Variants in PSMA8 observed in about 807,000 individuals in gnomAD.
PSMA8 encodes proteasome subunit alpha-type 8.
PSMA8 carries 18 observed loss-of-function variants against 32.4 expected under a neutral mutation model. The observed-to-expected ratio is 0.56, with a 90% CI of 0.38 to 0.82. PSMA8 has a LOEUF of 0.82. Ranked by LOEUF, PSMA8 falls within the 40% of genes least tolerant of loss-of-function variation. The pLI is 0.00. For synonymous variants in PSMA8, 104 were observed against 98.1 expected, an observed-to-expected ratio of 1.06 and a Z score of -0.36; for missense variants, 298 against 300.7, an observed-to-expected ratio of 0.99 and a Z score of 0.07.
intron 4 of PSMA8, among the ~76,000 whole-genome samples, chr18:26,171,946 A>G (rs901191861): frequency 6.6e-6 from 1 of 152,174 alleles, no homozygotes; most frequent in Non-Finnish European, 1.5e-5. Context: ...CTTTATCCTC[A>G]AGACCCACAG....
Position 26,193,129 on chromosome 18 carries a change from AT to A in PSMA8, c.*722del, listed in dbSNP as rs1280410836. ...CATATCACTTTTAGTTTAGATTTTT[AT>A]TTTATCTCAAGTATGTCCAGTGTGT... On this transcript the variant is annotated 3_prime_UTR_variant, in exon 7 of 7. Coordinates refer to ENST00000415576, the MANE Select transcript of PSMA8 (RefSeq NM_001025096.2). 11 of 152,242 alleles carry A rather than the reference AT, an allele frequency of 7.2e-5. No homozygotes were observed. Among genetic ancestry groups the A allele is most frequent in the African/African-American group, 2.2e-4 (9 of 41,556 alleles). 9.4% of individuals were successfully genotyped at this position (152,242 alleles called of 1,614,324 possible). A position where few individuals can be genotyped will look rare whatever the true frequency, so the allele number is the denominator to read the frequency against.
At position 26,158,164 on chromosome 18, in the gene PSMA8, G is replaced by C. The variant is rs1413761426; in HGVS notation, c.397G>C (p.Ala133Pro). 4.4e-6 allele frequency: 7 copies of C among 1,605,286 alleles called. No homozygotes were observed. Among genetic ancestry groups the C allele is most frequent in the Non-Finnish European group, 6.0e-6 (7 of 1,172,762 alleles). Residue 133 changes from alanine (A) to proline (P), a missense_variant, in exon 4 of 7, where the codon GCC becomes CCC. Physicochemically the swap from Ala to Pro is conservative, Grantham distance 27. Coordinates refer to ENST00000415576, the MANE Select transcript of PSMA8 (RefSeq NM_001025096.2). ...TGGACGAAGACCTTTTGGTATTTCT[G>C]CCTTAATTGTAGGTTTTGATGATGA... ...SNGRRPFGIS[A>P]LIVGFDDDGI...
At chr18:26,161,442 A>C (rs962195188) in intron 4 of PSMA8, among the ~76,000 whole-genome samples, 2 of 152,226 alleles carry the variant, frequency 1.3e-5, no homozygotes, top group Non-Finnish European at 2.9e-5. Flanking sequence ...TAGAATTACT[A>C]TCAGGCTGGC....
chr18:26,176,103 GA>G (rs2055261698), intron 4 of PSMA8, among the ~76,000 whole-genome samples: 1 of 150,524 alleles, frequency 6.6e-6, no homozygotes, highest in Non-Finnish European at 1.5e-5. Flanking sequence ...AGTCATTATT[GA>G]AGTGGACTGG....
At chr18:26,189,027 A>G (rs569002379) in intron 6 of PSMA8, among the ~76,000 whole-genome samples, 1 of 152,352 alleles carries the variant, frequency 6.6e-6, no homozygotes, top group Admixed American at 6.5e-5. Context: ...ACAGCAAAGG[A>G]AACAATCAAC....
Position 26,158,232 on chromosome 18 carries a change from T to A in PSMA8, c.465T>A (p.Tyr155Ter). The change falls in exon 4 of 7, where the codon TAT becomes TAA. Residue 155 changes from tyrosine (Y) to a stop codon, truncating the protein, a stop_gained. Transcript: ENST00000415576. LOFTEE classifies it high-confidence loss of function. ...ATCAGACAGATCCTTCTGGTACTTA[T>A]CATGCTTGGAAGGTGAGTCATGAAT... ...RLYQTDPSGTYHAWKANAIGR... is the reference protein window; with the variant it reads ...RLYQTDPSGT 1 of 1,599,844 alleles carries A rather than the reference T, an allele frequency of 6.3e-7. No individual in the cohort carries two copies. Among genetic ancestry groups the A allele is most frequent in the Non-Finnish European group, 8.5e-7 (1 of 1,174,120 alleles).
At chr18:26,161,294 G>T (rs62087799) in intron 4 of PSMA8, among the ~76,000 whole-genome samples, 2,543 of 152,246 alleles carry the variant, frequency 0.017, 38 homozygotes, top group Non-Finnish European at 0.029. Context: ...CTATTCCTTA[G>T]TTCCTAGATT....
intron 6 of PSMA8, among the ~76,000 whole-genome samples, chr18:26,186,542 T>C (rs1306418416): frequency 6.6e-6 from 1 of 152,218 alleles, no homozygotes; most frequent in Non-Finnish European, 1.5e-5. Context: ...CTAGTTATTC[T>C]CTGACCTATC....
intron 1 of PSMA8, chr18:26,139,984 CT>C (rs2054941804): frequency 1.4e-6 from 1 of 696,078 alleles, no homozygotes; most frequent in Non-Finnish European, 2.6e-6. Flanking sequence ...AAGATTGTTA[CT>C]TTTTAATTCT....
At chr18:26,163,251 A>ATATAT (rs1568062728) in intron 4 of PSMA8, among the ~76,000 whole-genome samples, 1 of 87,772 alleles carries the variant, frequency 1.1e-5, no homozygotes, top group African/African-American at 4.6e-5. Context: ...ATATATATAT[A>ATATAT]TATATATATA....
intron 6 of PSMA8, among the ~76,000 whole-genome samples, chr18:26,189,377 T>G (rs981506428): frequency 3.3e-5 from 5 of 151,704 alleles, no homozygotes; most frequent in Non-Finnish European, 7.4e-5. Flanking sequence ...ATATAATAAT[T>G]TAAAAATTAG....
chr18:26,143,189 C>A (rs1048484980), intron 1 of PSMA8, among the ~76,000 whole-genome samples: 3 of 152,146 alleles, frequency 2.0e-5, no homozygotes, highest in Non-Finnish European at 4.4e-5. Flanking sequence ...TCGATTCCCA[C>A]CGAAGGCCAC....
chr18:26,142,952 C>T (rs955958841), intron 1 of PSMA8, among the ~76,000 whole-genome samples: 2 of 152,158 alleles, frequency 1.3e-5, no homozygotes, highest in African/African-American at 4.8e-5. Context: ...CAATCCCTAT[C>T]CCTCCAAATT....
At chr18:26,178,281 A>G (rs1287417865) in intron 4 of PSMA8, among the ~76,000 whole-genome samples, 2 of 152,138 alleles carry the variant, frequency 1.3e-5, no homozygotes, top group African/African-American at 4.8e-5. Flanking sequence ...ATATTAATAG[A>G]AAGTGTTAGC....
At chr18:26,188,787 T>C (rs1298800863) in intron 6 of PSMA8, among the ~76,000 whole-genome samples, 1 of 152,172 alleles carries the variant, frequency 6.6e-6, no homozygotes, top group East Asian at 1.9e-4. Context: ...GATATCCATA[T>C]GCAGAAGAAT....
intron 3 of PSMA8, 130 bp downstream of exon 3, chr18:26,152,112 C>T: frequency 1.8e-6 from 1 of 550,002 alleles, no homozygotes; most frequent in Non-Finnish European, 2.8e-6. Context: ...ATTTCTCACA[C>T]TTACTTTATA....
rs1414789392 is a variant in PSMA8, at chr18:26,163,235, A to G, written c.477+4991A>G. 1.5e-4 allele frequency among the ~76,000 whole-genome samples: 19 copies of G among 123,142 alleles called. 1 individual carries two copies. Among genetic ancestry groups the G allele is most frequent in the African/African-American group, 5.9e-4 (16 of 27,294 alleles). The allele number at this position is 123,142 out of a possible 152,430, so 80.8% of individuals were successfully genotyped here. Reference sequence around the variant, plus strand: ...TGTGTATATATATATATATATATATATATATATATATATATATATATATAT... The same window carrying G: ...TGTGTATATATATATATATATATATGTATATATATATATATATATATATAT... On this transcript the variant is annotated intron_variant, in intron 4 of 6. Coordinates refer to ENST00000415576, the MANE Select transcript of PSMA8 (RefSeq NM_001025096.2).
At chr18:26,138,556 A>T (rs973721841) in intron 1 of PSMA8, among the ~76,000 whole-genome samples, 6 of 152,188 alleles carry the variant, frequency 3.9e-5, no homozygotes, top group African/African-American at 1.4e-4. Flanking sequence ...TATAAGCTTT[A>T]AGTAAAGGAA....
chr18:26,149,758 C>T (rs1204946550), intron 2 of PSMA8, among the ~76,000 whole-genome samples: 3 of 151,970 alleles, frequency 2.0e-5, no homozygotes, highest in Non-Finnish European at 4.4e-5. Context: ...AGGACTCTAC[C>T]TAACATCACA....
Sources: gnomAD v4.1 joint callset for allele counts (sites outside exome capture counted in the v4.1 genomes callset) on GRCh38, gnomAD v4.1.1 for gene constraint, MANE v1.5 for transcripts, NCBI Gene and HGNC (gene_info 2026-07-23, HGNC 2026-07-21) for gene names.